The following RAD51B variants were observed in gnomAD, a reference collection of about 807,000 sequenced individuals.
RAD51B encodes DNA repair protein RAD51 homolog 2.
In RAD51B, 38 loss-of-function variants were observed where a neutral mutation model predicts 42.2. That is an observed-to-expected ratio of 0.90 (90% CI 0.70 to 1.18). The LOEUF is 1.18. RAD51B is among the 50% of genes most tolerant of loss of function. The probability of loss-of-function intolerance (pLI) is 0.00; values close to 1 mark genes in which losing one functional copy is unlikely to be tolerated. For synonymous variants in RAD51B, 154 were observed against 145.2 expected, an observed-to-expected ratio of 1.06 and a Z score of -0.43; for missense variants, 373 against 400.7, an observed-to-expected ratio of 0.93 and a Z score of 0.59.
chr14:68,183,984 CGG>C lies in RAD51B; in HGVS notation c.757-107893_757-107892del, dbSNP rs71129872. The stretch of plus-strand genomic sequence containing the variant: ...GCGGGCACCTGTAGTCCCAGCTACT[CGG>C]GGGGGGTGAGGCAGGAGAATGGCAT... On this transcript the variant is annotated intron_variant, in intron 7 of 10. Transcript: ENST00000471583. 9.7e-4 allele frequency among the ~76,000 whole-genome samples: 146 copies of C among 150,130 alleles called. 1 individual carries two copies. The highest frequency in any genetic ancestry group is 3.5e-3 in the Middle Eastern group (1 of 288).
At chr14:68,322,858 A>C (rs1295914970) in intron 8 of RAD51B, among the ~76,000 whole-genome samples, 1 of 152,234 alleles carries the variant, frequency 6.6e-6, no homozygotes, top group Non-Finnish European at 1.5e-5. Context: ...GCCTACAAGC[A>C]GAAAGCTTAA....
chr14:67,880,899 C>T lies in RAD51B; in HGVS notation c.453-4970C>T, dbSNP rs1261882174. 3.3e-5 allele frequency among the ~76,000 whole-genome samples: 5 copies of T among 152,150 alleles called. No individual in the cohort carries two copies. The East Asian group carries it at 5.8e-4, about 18-fold the overall frequency. ...GTTATGGAAAAATCCCAGGTACAGTCATGCTTCGCTTAACAATTGGGATAT... is the reference window on the plus strand; with the variant it reads ...GTTATGGAAAAATCCCAGGTACAGTTATGCTTCGCTTAACAATTGGGATAT... On this transcript the variant is annotated intron_variant, in intron 5 of 10. Coordinates refer to ENST00000471583, the MANE Select transcript of RAD51B (RefSeq NM_133510.4).
intron 10 of RAD51B, among the ~76,000 whole-genome samples, chr14:68,546,489 A>G (rs1888241357): frequency 6.6e-6 from 1 of 152,210 alleles, no homozygotes; most frequent in Admixed American, 6.5e-5. Flanking sequence ...GACATGTATG[A>G]TTTGAGACAA....
At chr14:68,251,697 T>A (rs1352415496) in intron 7 of RAD51B, among the ~76,000 whole-genome samples, 1 of 152,216 alleles carries the variant, frequency 6.6e-6, no homozygotes, top group African/African-American at 2.4e-5. Context: ...CTTTGCTCAT[T>A]TCTCTACTGA....
At chr14:68,406,179 G>A (rs1432797964) in intron 8 of RAD51B, among the ~76,000 whole-genome samples, 1 of 152,154 alleles carries the variant, frequency 6.6e-6, no homozygotes, top group Non-Finnish European at 1.5e-5. Flanking sequence ...CATCAGGCGT[G>A]GGTTTGGCCT....
intron 7 of RAD51B, among the ~76,000 whole-genome samples, chr14:68,002,169 T>C (rs2075497349): frequency 6.6e-6 from 1 of 152,206 alleles, no homozygotes; most frequent in Admixed American, 6.5e-5. Context: ...ACCAACAGTG[T>C]AAAAGTGTTC....
rs61758785 is a variant in RAD51B, at chr14:68,594,511, G to A, written c.1063G>A (p.Ala355Thr). 5,165 of 1,364,372 alleles carry A rather than the reference G, an allele frequency of 3.8e-3. 16 individuals carry two copies. The highest frequency in any genetic ancestry group is 4.3e-3 in the Non-Finnish European group (4,475 of 1,029,388). 84.5% of individuals were successfully genotyped at this position (1,364,372 alleles called of 1,614,324 possible). A position where few individuals can be genotyped will look rare whatever the true frequency, so the allele number is the denominator to read the frequency against. ...GACAACATTTTGCTCTGTCACCCAA[G>A]CTGAACTGAACTGGGCTCCAGAAAT... The change falls in exon 11 of 11, where the codon GCT (alanine) becomes ACT (threonine). Residue 355 changes from alanine to threonine, a missense_variant. Coordinates refer to the RAD51B transcript ENST00000487270.
intron 10 of RAD51B, among the ~76,000 whole-genome samples, chr14:68,554,414 C>A (rs963362871): frequency 6.6e-6 from 1 of 152,174 alleles, no homozygotes; most frequent in Non-Finnish European, 1.5e-5. Context: ...AGACCTCACA[C>A]AGTCCTCCTG....
intron 8 of RAD51B, among the ~76,000 whole-genome samples, chr14:68,362,808 C>G (rs1042017664): frequency 6.6e-6 from 1 of 151,544 alleles, no homozygotes; most frequent in Non-Finnish European, 1.5e-5. Flanking sequence ...GAGATTGTGC[C>G]GCTGCACTCC....
At chr14:68,374,697 C>T (rs892606163) in intron 8 of RAD51B, among the ~76,000 whole-genome samples, 5 of 150,480 alleles carry the variant, frequency 3.3e-5, no homozygotes, top group African/African-American at 1.2e-4. Context: ...ATAGATGTGT[C>T]ACACTTAGCA....
At chr14:67,924,912 G>A (rs915546729) in intron 7 of RAD51B, among the ~76,000 whole-genome samples, 2 of 152,198 alleles carry the variant, frequency 1.3e-5, no homozygotes, top group African/African-American at 2.4e-5. Context: ...AGTCCCTTCC[G>A]CCTGTGAGCC....
rs115328828 is a variant in RAD51B at position 68,165,954 on chromosome 14, T to A, written c.757-125930T>A. Reference sequence around the variant, plus strand: ...ACTCATACCTCCCCCTTTACAATGATCTCGGCATTAATATCTTATGCTGTA... The same window carrying A: ...ACTCATACCTCCCCCTTTACAATGAACTCGGCATTAATATCTTATGCTGTA... On this transcript the variant is annotated intron_variant, in intron 7 of 10. Coordinates refer to ENST00000471583, the MANE Select transcript of RAD51B (RefSeq NM_133510.4). 9.6e-3 allele frequency among the ~76,000 whole-genome samples: 1,461 copies of A among 152,252 alleles called. 11 individuals carry two copies. Among genetic ancestry groups the A allele is most frequent in the African/African-American group, 0.022 (911 of 41,538 alleles).
At chr14:67,990,459 C>G (rs894892595) in intron 7 of RAD51B, among the ~76,000 whole-genome samples, 1 of 152,142 alleles carries the variant, frequency 6.6e-6, no homozygotes, top group Non-Finnish European at 1.5e-5. Context: ...GCCATACAAC[C>G]CGTTCCTTAC....
At chr14:68,132,578 G>C (rs2077916760) in intron 7 of RAD51B, among the ~76,000 whole-genome samples, 1 of 152,170 alleles carries the variant, frequency 6.6e-6, no homozygotes, top group Non-Finnish European at 1.5e-5. Flanking sequence ...GAGGAAATTA[G>C]TGGAAAGATA....
intron 8 of RAD51B, among the ~76,000 whole-genome samples, chr14:68,322,557 T>G (rs1258054161): frequency 6.6e-6 from 1 of 152,222 alleles, no homozygotes; most frequent in Admixed American, 6.5e-5. Context: ...GATGGTTGTG[T>G]ATCATTCCCA....
intron 7 of RAD51B, among the ~76,000 whole-genome samples, chr14:67,942,773 A>G (rs911340078): frequency 1.4e-4 from 22 of 152,226 alleles, no homozygotes; most frequent in Non-Finnish European, 1.9e-4. Context: ...TACATATAGC[A>G]AATGAAAACT....
exon 11 of RAD51B, chr14:68,595,725 C>A: frequency 1.4e-6 from 1 of 719,258 alleles, no homozygotes; most frequent in Non-Finnish European, 1.8e-6. Flanking sequence ...ACTAGATGGT[C>A]ATTAAAATTA....
At chr14:68,299,710 C>G (rs1270029728) in intron 8 of RAD51B, among the ~76,000 whole-genome samples, 2 of 152,132 alleles carry the variant, frequency 1.3e-5, no homozygotes, top group Non-Finnish European at 2.9e-5. Context: ...GGATTTCCAC[C>G]TAGGGAGACT....
At chr14:67,903,983 C>T (rs1039704887) in intron 7 of RAD51B, among the ~76,000 whole-genome samples, 3 of 151,364 alleles carry the variant, frequency 2.0e-5, no homozygotes, top group Non-Finnish European at 4.4e-5. Context: ...TGAGCTTCTA[C>T]TTACAAGTGA....
Sources: allele counts gnomAD v4.1 joint callset (sites outside exome capture counted in the v4.1 genomes callset), GRCh38; gene constraint gnomAD v4.1.1; transcripts MANE v1.5; gene names NCBI Gene and HGNC (gene_info 2026-07-23, HGNC 2026-07-21).